The following MKLN1 variants were observed in gnomAD, a reference collection of about 807,000 sequenced individuals.
MKLN1 encodes muskelin.
In MKLN1, 18 loss-of-function variants were observed where a neutral mutation model predicts 99.0. The observed-to-expected ratio is 0.18, with a 90% CI of 0.13 to 0.27. MKLN1 has a LOEUF of 0.27. Ranked by LOEUF, MKLN1 falls within the 10% of genes least tolerant of loss-of-function variation. The pLI is 1.00. For missense variants in MKLN1, 621 were observed against 875.9 expected, an observed-to-expected ratio of 0.71 and a Z score of 3.67; for synonymous variants, 288 against 293.2, an observed-to-expected ratio of 0.98 and a Z score of 0.18.
chr7:131,197,275 C>T (rs1255910597), intron 2 of MKLN1, among the ~76,000 whole-genome samples: 1 of 151,794 alleles, frequency 6.6e-6, no homozygotes, highest in Non-Finnish European at 1.5e-5. Context: ...ACAGTCATGG[C>T]TCTCTGCAGC....
At chr7:131,328,889 T>C (rs1043999634) in intron 1 of MKLN1, among the ~76,000 whole-genome samples, 1 of 152,196 alleles carries the variant, frequency 6.6e-6, no homozygotes, top group Non-Finnish European at 1.5e-5. Flanking sequence ...CATAGTATCT[T>C]ATTTATCTTT....
intron 4 of MKLN1, among the ~76,000 whole-genome samples, chr7:131,391,829 T>C (rs1794204439): frequency 6.6e-6 from 1 of 152,246 alleles, no homozygotes. Flanking sequence ...TTTGGATATC[T>C]CTTTTGCACA....
In MKLN1 at chr7:131,290,297, A is replaced by G. The variant is rs537329246; in HGVS notation, c.-178-85127A>G. ...TCCAAGCCTGGGCAACAAGAGTGAAATTCCGTCTCAAACAGTAAATAAATA... is the reference window on the plus strand; with the variant it reads ...TCCAAGCCTGGGCAACAAGAGTGAAGTTCCGTCTCAAACAGTAAATAAATA... On this transcript the variant is annotated intron_variant, in intron 3 of 7. Transcript: ENST00000416992. 2.6e-5 allele frequency among the ~76,000 whole-genome samples: 4 copies of G among 152,332 alleles called. No individual in the cohort carries two copies. The South Asian group carries it at 8.3e-4, about 32-fold the overall frequency.
chr7:131,379,967 G>A (rs565397603), intron 2 of MKLN1, among the ~76,000 whole-genome samples: 17 of 152,276 alleles, frequency 1.1e-4, no homozygotes, highest in South Asian at 2.1e-4. Flanking sequence ...AGATTAAGAA[G>A]CTGAAATAGC....
At chr7:131,426,615 GT>G (rs1409984059) in intron 8 of MKLN1, among the ~76,000 whole-genome samples, 2 of 151,958 alleles carry the variant, frequency 1.3e-5, no homozygotes, top group African/African-American at 4.8e-5. Context: ...TGCCAAAAGT[GT>G]TTTATGTACT....
chr7:131,120,962 T>A (rs917502013), intron 1 of MKLN1, among the ~76,000 whole-genome samples: 1 of 152,234 alleles, frequency 6.6e-6, no homozygotes, highest in Non-Finnish European at 1.5e-5. Context: ...TATTAGTCTG[T>A]TCTCACACTG....
intron 1 of MKLN1, among the ~76,000 whole-genome samples, chr7:131,131,761 A>G (rs1795554924): frequency 6.6e-6 from 1 of 152,238 alleles, no homozygotes; most frequent in South Asian, 2.1e-4. Context: ...ATCTTGAGGA[A>G]TGACTTAAAA....
intron 2 of MKLN1, among the ~76,000 whole-genome samples, chr7:131,378,184 T>C (rs1793722189): frequency 6.6e-6 from 1 of 152,228 alleles, no homozygotes; most frequent in African/African-American, 2.4e-5. Flanking sequence ...TAATCTTGGC[T>C]CACTGCAGCC....
chr7:131,212,918 C>T (rs1374845935), intron 3 of MKLN1, among the ~76,000 whole-genome samples: 3 of 145,668 alleles, frequency 2.1e-5, no homozygotes, highest in Admixed American at 6.8e-5. Context: ...AGCAAAACTC[C>T]GTCTCAAAAA....
chr7:131,376,139 T>TA (rs1563318314), intron 2 of MKLN1, among the ~76,000 whole-genome samples: 116 of 8,214 alleles, frequency 0.014, no homozygotes, highest in African/African-American at 0.038. Context: ...TATATATGTA[T>TA]GATGTATGTA....
chr7:131,160,932 A>T (rs1376125054), intron 2 of MKLN1, among the ~76,000 whole-genome samples: 1 of 152,134 alleles, frequency 6.6e-6, no homozygotes, highest in African/African-American at 2.4e-5. Flanking sequence ...TGCTTTAGCA[A>T]ATGTCCTATC....
intron 3 of MKLN1, among the ~76,000 whole-genome samples, chr7:131,261,557 A>T (rs150655863): frequency 6.6e-6 from 1 of 152,354 alleles, no homozygotes; most frequent in African/African-American, 2.4e-5. Context: ...AATGTAAATT[A>T]GTTCACCCAT....
intron 2 of MKLN1, among the ~76,000 whole-genome samples, chr7:131,177,468 C>CA (rs11351761): frequency 0.02 from 2,134 of 105,892 alleles, 69 homozygotes; most frequent in East Asian, 0.16. Context: ...GACTCCATCT[C>CA]AAAAAAAAAA....
intron 12 of MKLN1, among the ~76,000 whole-genome samples, chr7:131,459,599 G>C (rs987813857): frequency 6.6e-6 from 1 of 152,094 alleles, no homozygotes; most frequent in Admixed American, 6.5e-5. Flanking sequence ...AAGGTCTAAT[G>C]TTAGTTTGAT....
rs1445755305 is a variant in MKLN1, at chr7:131,491,827, T to A, written c.*4099T>A. On this transcript the variant is annotated 3_prime_UTR_variant, in exon 18 of 18. Coordinates refer to ENST00000352689, the MANE Select transcript of MKLN1 (RefSeq NM_013255.5). ...CTGTGAATTGTTTTTCCATTTATTT[T>A]TCTTAGCTAATGTAACTTTATTCTT... The A allele has an allele frequency of 6.6e-6, 1 of 152,670 alleles. No individual in the cohort carries two copies. The highest frequency in any genetic ancestry group is 1.5e-5 in the Non-Finnish European group (1 of 68,040). 9.5% of individuals were successfully genotyped at this position (152,670 alleles called of 1,614,324 possible).
chr7:131,448,088 C>T (rs1490653575), intron 12 of MKLN1, among the ~76,000 whole-genome samples: 2 of 151,980 alleles, frequency 1.3e-5, no homozygotes, highest in South Asian at 2.1e-4. Context: ...ATTAGCTGGG[C>T]GTGGTGGCGG....
At chr7:131,387,589 G>T (rs909922486) in intron 3 of MKLN1, among the ~76,000 whole-genome samples, 2 of 151,816 alleles carry the variant, frequency 1.3e-5, no homozygotes. Flanking sequence ...AATCTTTGCT[G>T]TAAAAAAAAA....
chr7:131,213,379 T>C (rs1796934566), intron 3 of MKLN1, among the ~76,000 whole-genome samples: 1 of 152,210 alleles, frequency 6.6e-6, no homozygotes, highest in Admixed American at 6.5e-5. Context: ...GATGTGAAGG[T>C]TGTTTTTAGT....
At chr7:131,313,301 A>G (rs1455935805) in intron 3 of MKLN1, among the ~76,000 whole-genome samples, 1 of 152,244 alleles carries the variant, frequency 6.6e-6, no homozygotes. Flanking sequence ...ATAAACAGAC[A>G]TGTATACATG....
Sources: allele counts gnomAD v4.1 joint callset (sites outside exome capture counted in the v4.1 genomes callset), GRCh38; gene constraint gnomAD v4.1.1; transcripts MANE v1.5; gene names NCBI Gene and HGNC (gene_info 2026-07-23, HGNC 2026-07-21).